IGFL2: variants seen among roughly 807,000 people sequenced by gnomAD.
The protein encoded by IGFL2 is IGF like family member 2, also known as insulin growth factor-like family member 2.
In IGFL2, 7 loss-of-function variants were observed where a neutral mutation model predicts 13.9. The observed-to-expected ratio is 0.51, with a 90% CI of 0.29 to 0.95. The LOEUF (loss-of-function observed/expected upper bound fraction) is 0.95. Among genes scored for constraint, IGFL2 ranks in the 40% least tolerant of loss-of-function variants. The probability of loss-of-function intolerance (pLI) is 0.08; values close to 1 mark genes in which losing one functional copy is unlikely to be tolerated. For synonymous variants in IGFL2, 55 were observed against 55.8 expected, an observed-to-expected ratio of 0.99 and a Z score of 0.07; for missense variants, 138 against 147.8, an observed-to-expected ratio of 0.93 and a Z score of 0.34.
At chr19:46,114,473 A>G in the IGFL2 span, among the ~76,000 whole-genome samples, 1 of 152,296 alleles carries the variant, frequency 6.6e-6, no homozygotes, top group East Asian at 1.9e-4. Flanking sequence ...GTTATTGGCG[A>G]ACTCCATTTA....
the IGFL2 span, among the ~76,000 whole-genome samples, chr19:46,183,429 CTCTT>C: frequency 6.6e-6 from 1 of 152,044 alleles, no homozygotes; most frequent in African/African-American, 2.4e-5. Context: ...CTCCCAGCCA[CTCTT>C]TCTTCTCTCT....
At chr19:46,118,705 G>A in the IGFL2 span, among the ~76,000 whole-genome samples, 1 of 152,196 alleles carries the variant, frequency 6.6e-6, no homozygotes, top group Non-Finnish European at 1.5e-5. Flanking sequence ...AGGAGGCAGA[G>A]GGGAGACCAG....
chr19:46,160,476 C>G lies in IGFL2; in HGVS notation c.73+8C>G, dbSNP rs749348145. The G allele has an allele frequency of 1.2e-6, 2 of 1,613,640 alleles. No individual in the cohort carries two copies. Among genetic ancestry groups the G allele is most frequent in the Admixed American group, 3.3e-5 (2 of 60,004 alleles). ...GTCCAAGGGAAGTCATCGGTGAGTA[C>G]AAGGATGGGCAAGAGTGAAGAGGAA... On this transcript the variant is annotated splice_region_variant and intron_variant, in intron 2 of 3. Coordinates refer to ENST00000377693, the MANE Select transcript of IGFL2 (RefSeq NM_001135113.2).
At chr19:46,116,100 CT>C in the IGFL2 span, among the ~76,000 whole-genome samples, 43 of 152,058 alleles carry the variant, frequency 2.8e-4, 1 homozygote, top group East Asian at 5.8e-3. Context: ...TATTATTATA[CT>C]TTAAGTTCTA....
the IGFL2 span, among the ~76,000 whole-genome samples, chr19:46,192,131 C>T: frequency 6.6e-6 from 1 of 152,162 alleles, no homozygotes; most frequent in African/African-American, 2.4e-5. Flanking sequence ...AGCACACCCA[C>T]AGGGACACAA....
At chr19:46,182,543 C>T in the IGFL2 span, among the ~76,000 whole-genome samples, 1 of 152,080 alleles carries the variant, frequency 6.6e-6, no homozygotes, top group Non-Finnish European at 1.5e-5. Flanking sequence ...ATGTCACAGG[C>T]ATAGCTTAAG....
chr19:46,157,544 A>G (rs546444276), intron 1 of IGFL2, among the ~76,000 whole-genome samples: 10 of 152,368 alleles, frequency 6.6e-5, no homozygotes, highest in South Asian at 6.2e-4. Context: ...GATCACATCA[A>G]TTGATGCTGA....
chr19:46,165,398 C>T (rs1974351283), downstream of IGFL2, among the ~76,000 whole-genome samples: 1 of 152,216 alleles, frequency 6.6e-6, no homozygotes, highest in Non-Finnish European at 1.5e-5. Context: ...CCATTCTAGT[C>T]TGCAGCCAGC....
chr19:46,136,806 A>G, the IGFL2 span: 5 of 679,564 alleles, frequency 7.4e-6, no homozygotes, highest in South Asian at 6.8e-5. Flanking sequence ...AACATTCACT[A>G]GAAGCTGAAA....
chr19:46,079,545 C>G, the IGFL2 span, among the ~76,000 whole-genome samples: 1 of 152,176 alleles, frequency 6.6e-6, no homozygotes, highest in Non-Finnish European at 1.5e-5. Flanking sequence ...TTGCCCCTGG[C>G]CATGATCCCC....
chr19:46,170,364 T>C, the IGFL2 span, among the ~76,000 whole-genome samples: 1 of 152,234 alleles, frequency 6.6e-6, no homozygotes, highest in South Asian at 2.1e-4. Context: ...TTCCTATGCC[T>C]ATCTTTAATC....
At chr19:46,124,402 G>C in the IGFL2 span, 5 of 1,423,540 alleles carry the variant, frequency 3.5e-6, no homozygotes, top group African/African-American at 2.9e-5. Flanking sequence ...AACAAACAGA[G>C]GTTAGGGTGG....
In IGFL2 at chr19:46,160,630, A is replaced by C. The variant is rs768043907; in HGVS notation, c.90A>C (p.Glu30Asp). The change falls in exon 3 of 4, where the codon GAA becomes GAC. Residue 30 changes from glutamate (E) to aspartate (D), a missense_variant. Transcript: ENST00000377693. ...TCTGTCCAGCTCCCGCTGGCTCAGA[A>C]CCATGGCTGTGCCAGCCGGCACCCA... ...PREVIAPAGS[E>D]PWLCQPAPRC... 2 of 1,614,158 alleles carry C rather than the reference A, an allele frequency of 1.2e-6. No homozygotes were observed. Among genetic ancestry groups the C allele is most frequent in the East Asian group, 2.2e-5 (1 of 44,876 alleles).
chr19:46,145,211 A>G (rs1184479300), upstream of IGFL2, among the ~76,000 whole-genome samples: 2 of 152,022 alleles, frequency 1.3e-5, no homozygotes. Context: ...TTTCGGGGTT[A>G]TATATATATA....
At chr19:46,103,260 C>T in the IGFL2 span, among the ~76,000 whole-genome samples, 2 of 150,514 alleles carry the variant, frequency 1.3e-5, no homozygotes, top group East Asian at 1.9e-4. Context: ...ACAGAGTCCC[C>T]TTTTTTTTTA....
At chr19:46,205,603 T>TGA in the IGFL2 span, among the ~76,000 whole-genome samples, 64 of 150,492 alleles carry the variant, frequency 4.3e-4, no homozygotes, top group East Asian at 3.1e-3. Context: ...ATTCAGGTGC[T>TGA]GAGAGAGAGA....
At chr19:46,123,923 G>A in the IGFL2 span, 1 of 1,611,214 alleles carries the variant, frequency 6.2e-7, no homozygotes, top group South Asian at 1.1e-5. Flanking sequence ...AAGTGACACT[G>A]AGACTTCATA....
At chr19:46,131,939 AAAC>A in the IGFL2 span, among the ~76,000 whole-genome samples, 7 of 152,204 alleles carry the variant, frequency 4.6e-5, no homozygotes, top group Non-Finnish European at 7.3e-5. Flanking sequence ...ACTCCCTCTC[AAAC>A]AACAACAACA....
At chr19:46,105,078 C>T in the IGFL2 span, among the ~76,000 whole-genome samples, 1 of 152,172 alleles carries the variant, frequency 6.6e-6, no homozygotes, top group Admixed American at 6.6e-5. Context: ...GGATCTGATG[C>T]CTTTTGATGG....
Sources: gnomAD v4.1 joint callset for allele counts (sites outside exome capture counted in the v4.1 genomes callset) on GRCh38, gnomAD v4.1.1 for gene constraint, MANE v1.5 for transcripts, NCBI Gene and HGNC (gene_info 2026-07-23, HGNC 2026-07-21) for gene names.